The following POLB variants were observed in gnomAD, a reference collection of about 807,000 sequenced individuals.
POLB encodes DNA polymerase beta.
POLB carries 37 observed loss-of-function variants against 52.7 expected under a neutral mutation model. The ratio of observed to expected loss-of-function variants is 0.70; its 90% CI spans 0.54 to 0.92. The LOEUF is 0.92. Ranked by LOEUF, POLB falls within the 40% of genes least tolerant of loss-of-function variation. The pLI is 0.00. For missense variants in POLB, 313 were observed against 400.8 expected, an observed-to-expected ratio of 0.78 and a Z score of 1.87; for synonymous variants, 138 against 131.3, an observed-to-expected ratio of 1.05 and a Z score of -0.35.
At position 42,370,501 on chromosome 8, in the gene POLB, T is replaced by TTTTGTCCTCAAAGTATAAAATAC. The variant is rs545051749; in HGVS notation, c.913+537_913+559dup. Among the ~76,000 whole-genome samples the TTTTGTCCTCAAAGTATAAAATAC allele has an allele frequency of 1.8e-3, 268 of 152,242 alleles. 2 individuals carry two copies. The East Asian group carries it at 0.022, about 13-fold the overall frequency. On this transcript the variant is annotated intron_variant, in intron 13 of 13. Transcript: ENST00000265421. ...CTACTAGGAGAATGAATTTTTGTCA[T>TTTTGTCCTCAAAGTATAAAATAC]TTTGTCCTCAAAGTATAAAATACTT...
intron 2 of POLB, among the ~76,000 whole-genome samples, chr8:42,343,165 G>A (rs1394209393): frequency 7.3e-5 from 11 of 150,948 alleles, no homozygotes; most frequent in Non-Finnish European, 1.5e-4. Flanking sequence ...TACTAAAAAT[G>A]CAAAAAATTA....
intron 2 of POLB, among the ~76,000 whole-genome samples, chr8:42,343,054 G>A (rs1230502012): frequency 6.6e-6 from 1 of 151,890 alleles, no homozygotes; most frequent in Non-Finnish European, 1.5e-5. Context: ...TGGGCGCAGT[G>A]GCTAACGCCT....
intron 7 of POLB, among the ~76,000 whole-genome samples, chr8:42,356,870 A>G (rs1285799217): frequency 6.6e-6 from 1 of 152,202 alleles, no homozygotes; most frequent in Admixed American, 6.5e-5. Context: ...CCTAACTTAA[A>G]TATATTTATT....
chr8:42,361,341 C>T lies in POLB; in HGVS notation c.597C>T (p.Ser199=), dbSNP rs778695584. 15 of 1,612,122 alleles carry T rather than the reference C, an allele frequency of 9.3e-6. No individual in the cohort carries two copies. Among genetic ancestry groups the T allele is most frequent in the Non-Finnish European group, 1.3e-5 (15 of 1,178,122 alleles). ...GDMDVLLTHP[S]FTSESTKQPK... ...TGGATGTTCTCCTGACCCATCCCAG[C>T]TTCACTTCAGAATCAACCAAACAGG... is the stretch of plus-strand genomic sequence containing the variant. The change falls in exon 10 of 14, where the codon AGC becomes AGT. Residue 199 remains serine (S), a synonymous_variant. Coordinates refer to ENST00000265421, the MANE Select transcript of POLB (RefSeq NM_002690.3).
At chr8:42,349,312 T>C (rs1822822251) in intron 4 of POLB, 1 of 391,050 alleles carries the variant, frequency 2.6e-6, no homozygotes, top group African/African-American at 2.1e-5. Context: ...TAGAGTTGGC[T>C]CATCGTTTTC....
chr8:42,354,217 C>T (rs372557678), intron 6 of POLB, among the ~76,000 whole-genome samples: 2 of 152,110 alleles, frequency 1.3e-5, no homozygotes, highest in African/African-American at 4.8e-5. Context: ...TCAGTATTTC[C>T]ACTTCTTCAG....
At chr8:42,370,928 CAGTGCTGCT>C (rs1483384589) in intron 13 of POLB, among the ~76,000 whole-genome samples, 1 of 152,196 alleles carries the variant, frequency 6.6e-6, no homozygotes, top group East Asian at 1.9e-4. Flanking sequence ...TAGATAATGC[CAGTGCTGCT>C]AGTCCAAGAA....
Position 42,357,235 on chromosome 8 carries a change from C to A in POLB, c.477+12C>A. 6.5e-7 allele frequency: 1 copy of A among 1,531,736 alleles called. No homozygotes were observed. Among genetic ancestry groups the A allele is most frequent in the South Asian group, 1.1e-5 (1 of 88,358 alleles). 94.9% of individuals were successfully genotyped at this position (1,531,736 alleles called of 1,614,324 possible). ...TGTTACAAATGCAAGTAAGATGTGT[C>A]AAATTATATTCTTTGATTAGAATTG... On this transcript the variant is annotated intron_variant, in intron 8 of 13. Transcript: ENST00000265421.
At chr8:42,341,826 G>A in intron 2 of POLB, 5 of 548,666 alleles carry the variant, frequency 9.1e-6, no homozygotes, top group South Asian at 8.2e-5. Context: ...TGAGCTATGC[G>A]ATCTTTCTTC....
At chr8:42,345,658 C>T (rs542985445) in intron 3 of POLB, among the ~76,000 whole-genome samples, 5 of 151,858 alleles carry the variant, frequency 3.3e-5, no homozygotes, top group Non-Finnish European at 4.4e-5. Flanking sequence ...CCCAAAAATC[C>T]GAAATCCAAA....
At position 42,354,608 on chromosome 8, in the gene POLB, A is replaced by T. The variant is rs3136752; in HGVS notation, c.371-908A>T. On this transcript the variant is annotated intron_variant, in intron 6 of 13. Transcript: ENST00000265421. ...GTCTGCCCAGAAGTACAGTGGCGCA[A>T]TCTTGGTTCACTGCAACCTCCGCCA... is the stretch of plus-strand genomic sequence containing the variant. 6.1e-3 allele frequency: 2,964 copies of T among 488,048 alleles called. 13 individuals carry two copies. The highest frequency in any genetic ancestry group is 7.9e-3 in the Non-Finnish European group (2,104 of 267,450). 30.2% of individuals were successfully genotyped at this position (488,048 alleles called of 1,614,324 possible). A position where few individuals can be genotyped will look rare whatever the true frequency, so the allele number is the denominator to read the frequency against.
intron 3 of POLB, among the ~76,000 whole-genome samples, chr8:42,347,320 A>G (rs1217912856): frequency 3.9e-5 from 5 of 129,384 alleles, no homozygotes; most frequent in African/African-American, 1.4e-4. Context: ...TTATTCTAGA[A>G]TTACTCCTCA....
chr8:42,371,804 T>C lies in POLB; in HGVS notation c.*147T>C, dbSNP rs564143217. ...ATGTAGTCAATAAAACCTCATGTACTATTATTGGATGATGATGATCTTATT... is the reference window on the plus strand; with the variant it reads ...ATGTAGTCAATAAAACCTCATGTACCATTATTGGATGATGATGATCTTATT... On this transcript the variant is annotated 3_prime_UTR_variant, in exon 14 of 14. Coordinates refer to ENST00000265421, the MANE Select transcript of POLB (RefSeq NM_002690.3). 7.4e-5 allele frequency: 42 copies of C among 564,482 alleles called. No individual in the cohort carries two copies. The highest frequency in any genetic ancestry group is 5.9e-4 in the South Asian group (27 of 45,474). The allele number at this position is 564,482 out of a possible 1,614,324, so 35.0% of individuals were successfully genotyped here. A position where few individuals can be genotyped will look rare whatever the true frequency, so the allele number is the denominator to read the frequency against.
intron 4 of POLB, 81 bp from the exon 5 acceptor site, chr8:42,349,926 C>A: frequency 1.1e-6 from 1 of 943,750 alleles, no homozygotes; most frequent in Non-Finnish European, 1.7e-6. Context: ...TGTCTTTTAG[C>A]AGACTGGTAT....
intron 11 of POLB, among the ~76,000 whole-genome samples, chr8:42,365,380 G>A (rs1216924675): frequency 2.0e-5 from 3 of 152,180 alleles, no homozygotes; most frequent in Non-Finnish European, 2.9e-5. Flanking sequence ...ACATGAGATG[G>A]TATTAAAAAT....
intron 3 of POLB, among the ~76,000 whole-genome samples, chr8:42,345,585 A>G (rs1822560580): frequency 6.6e-6 from 1 of 152,092 alleles, no homozygotes; most frequent in Admixed American, 6.5e-5. Context: ...AATGCTTGGG[A>G]ACAGATTATT....
intron 2 of POLB, among the ~76,000 whole-genome samples, chr8:42,340,308 C>G (rs780090433): frequency 6.6e-6 from 1 of 152,146 alleles, no homozygotes; most frequent in African/African-American, 2.4e-5. Context: ...ATTCCACATC[C>G]GATCTCATGT....
At chr8:42,363,572 G>A (rs1275019846) in intron 11 of POLB, among the ~76,000 whole-genome samples, 1 of 148,840 alleles carries the variant, frequency 6.7e-6, no homozygotes, top group African/African-American at 2.5e-5. Context: ...GGTTAATTAG[G>A]CATAATCTGC....
At chr8:42,362,124 G>A (rs1251833772) in intron 10 of POLB, among the ~76,000 whole-genome samples, 1 of 152,066 alleles carries the variant, frequency 6.6e-6, no homozygotes, top group Non-Finnish European at 1.5e-5. Flanking sequence ...ACCAGGCGTG[G>A]TGGTGCGCGC....
Sources: allele counts gnomAD v4.1 joint callset (sites outside exome capture counted in the v4.1 genomes callset), GRCh38; gene constraint gnomAD v4.1.1; transcripts MANE v1.5; gene names NCBI Gene and HGNC (gene_info 2026-07-23, HGNC 2026-07-21).